The following VPS8 variants were observed in gnomAD, a reference collection of about 807,000 sequenced individuals.
The protein encoded by VPS8 is vacuolar protein sorting-associated protein 8 homolog.
In VPS8, 129 loss-of-function variants were observed where a neutral mutation model predicts 216.4. That is an observed-to-expected ratio of 0.60 (90% CI 0.52 to 0.69). The LOEUF (loss-of-function observed/expected upper bound fraction) is 0.69. VPS8 is among the 30% of genes least tolerant of loss of function. VPS8 has a pLI of 0.00. For missense variants in VPS8, 1,531 were observed against 1,683.5 expected (o/e 0.91, Z 1.59); for synonymous variants, 571 against 565.4 (o/e 1.01, Z -0.14).
intron 36 of VPS8, among the ~76,000 whole-genome samples, chr3:184,954,572 C>T (rs550339913): frequency 2.0e-5 from 3 of 152,292 alleles, no homozygotes; most frequent in Admixed American, 1.3e-4. Context: ...TATTATATCA[C>T]AATATTATAT....
At chr3:184,856,971 C>G (rs1385781038) in intron 14 of VPS8, among the ~76,000 whole-genome samples, 3 of 152,228 alleles carry the variant, frequency 2.0e-5, no homozygotes, top group African/African-American at 7.2e-5. Flanking sequence ...GTTCCTCCCA[C>G]CTCAGCCTCC....
intron 28 of VPS8, among the ~76,000 whole-genome samples, chr3:184,916,191 C>T (rs1431602067): frequency 6.6e-6 from 1 of 152,170 alleles, no homozygotes; most frequent in East Asian, 1.9e-4. Context: ...GAAAAAACAC[C>T]TTTATACGTG....
chr3:184,841,739 G>T (rs983078155), intron 7 of VPS8, among the ~76,000 whole-genome samples: 9 of 152,262 alleles, frequency 5.9e-5, no homozygotes, highest in Non-Finnish European at 1.5e-5. Context: ...TTTTGGGAAA[G>T]AAACTTACGA....
intron 36 of VPS8, among the ~76,000 whole-genome samples, chr3:184,955,115 T>C (rs1044048795): frequency 1.3e-5 from 2 of 152,118 alleles, no homozygotes; most frequent in African/African-American, 4.8e-5. Flanking sequence ...GGAGTCTCCT[T>C]TCCTTGGAGG....
At chr3:184,999,907 A>G in intron 45 of VPS8, 46 bp downstream of exon 45, 1 of 1,556,974 alleles carries the variant, frequency 6.4e-7, no homozygotes, top group South Asian at 1.3e-5. Flanking sequence ...TTTTCTTACC[A>G]ATGTCATTTG....
chr3:184,825,273 C>CT (rs1560270640), intron 2 of VPS8, among the ~76,000 whole-genome samples: 1 of 152,218 alleles, frequency 6.6e-6, no homozygotes, highest in Non-Finnish European at 1.5e-5. Flanking sequence ...TCACAACACT[C>CT]TGATAATCCA....
At chr3:184,924,486 G>T (rs1026466104) in intron 29 of VPS8, among the ~76,000 whole-genome samples, 1 of 151,654 alleles carries the variant, frequency 6.6e-6, no homozygotes, top group South Asian at 2.1e-4. Flanking sequence ...CATTGCACTC[G>T]AGCTTGGGCA....
rs185457770 is a variant in VPS8 at position 184,927,525 on chromosome 3, T to A, written c.2631+875T>A. Among the ~76,000 whole-genome samples the A allele has an allele frequency of 1.7e-3, 257 of 152,304 alleles. 2 individuals are homozygous for A. Among genetic ancestry groups the A allele is most frequent in the African/African-American group, 6.1e-3 (252 of 41,562 alleles). On this transcript the variant is annotated intron_variant, in intron 31 of 47. Transcript: ENST00000625842. ...GGGCCCCCTCATTTCAGCTGCTTAG[T>A]GTTGTAAAAATTAATTCTATGAGCT...
intron 25 of VPS8, among the ~76,000 whole-genome samples, chr3:184,905,336 T>C (rs1030069023): frequency 2.0e-5 from 3 of 152,224 alleles, no homozygotes; most frequent in Non-Finnish European, 4.4e-5. Flanking sequence ...TTTTTAAATT[T>C]CTAGACATTT....
At chr3:184,937,605 G>A (rs982000235) in intron 35 of VPS8, among the ~76,000 whole-genome samples, 1 of 152,184 alleles carries the variant, frequency 6.6e-6, no homozygotes, top group Non-Finnish European at 1.5e-5. Context: ...CAAGAGAAGA[G>A]GGTGATGGAT....
intron 36 of VPS8, among the ~76,000 whole-genome samples, chr3:184,946,200 T>C (rs1743645427): frequency 6.6e-6 from 1 of 152,248 alleles, no homozygotes; most frequent in African/African-American, 2.4e-5. Context: ...TACACCTATA[T>C]TTTAGCAGAA....
chr3:184,843,495 A>G (rs976885997), intron 8 of VPS8, among the ~76,000 whole-genome samples: 6 of 152,044 alleles, frequency 3.9e-5, no homozygotes, highest in African/African-American at 1.4e-4. Context: ...TGATCTTTTG[A>G]TGTAGTCCCA....
At chr3:184,845,755 C>CAAA (rs36003760) in intron 8 of VPS8, among the ~76,000 whole-genome samples, 10 of 80,552 alleles carry the variant, frequency 1.2e-4, no homozygotes, top group African/African-American at 2.8e-4. Context: ...AACTCCGTCT[C>CAAA]AAAAAAAAAA....
At chr3:184,923,118 A>G (rs1229754660) in intron 29 of VPS8, among the ~76,000 whole-genome samples, 1 of 152,086 alleles carries the variant, frequency 6.6e-6, no homozygotes, top group Non-Finnish European at 1.5e-5. Context: ...ATGTTGTATA[A>G]TGGGAGAAAC....
intron 34 of VPS8, among the ~76,000 whole-genome samples, chr3:184,934,697 A>G (rs1306658275): frequency 6.6e-6 from 1 of 152,046 alleles, no homozygotes; most frequent in African/African-American, 2.4e-5. Flanking sequence ...TATTAAACCA[A>G]CCTTGATTTT....
intron 45 of VPS8, among the ~76,000 whole-genome samples, chr3:185,022,535 A>T (rs1029886150): frequency 6.6e-6 from 1 of 152,166 alleles, no homozygotes; most frequent in Non-Finnish European, 1.5e-5. Context: ...TTTTTAATGA[A>T]TGTATCCTTT....
Position 184,860,078 on chromosome 3 carries a change from C to A in VPS8, c.1224+13C>A. ...CATCAACTTTACCGTGAGTATTATTCAAATTAAATATCCCCATTTAGTTCA... is the reference window on the plus strand; with the variant it reads ...CATCAACTTTACCGTGAGTATTATTAAAATTAAATATCCCCATTTAGTTCA... On this transcript the variant is annotated intron_variant, in intron 15 of 47. Transcript: ENST00000625842. 6.3e-7 allele frequency: 1 copy of A among 1,575,486 alleles called. No homozygotes were observed. Among genetic ancestry groups the A allele is most frequent in the South Asian group, 1.1e-5 (1 of 89,206 alleles).
chr3:184,873,371 C>T (rs2108792767), intron 21 of VPS8, among the ~76,000 whole-genome samples: 1 of 152,038 alleles, frequency 6.6e-6, no homozygotes, highest in South Asian at 2.1e-4. Flanking sequence ...AATAAATCAC[C>T]AAGAATGAGA....
intron 1 of VPS8, among the ~76,000 whole-genome samples, chr3:184,819,968 C>T (rs1347033052): frequency 1.3e-5 from 2 of 152,124 alleles, no homozygotes; most frequent in African/African-American, 4.8e-5. Flanking sequence ...TTATAAAGGC[C>T]TTCATCCTTG....
Sources: gnomAD v4.1 joint callset for allele counts (sites outside exome capture counted in the v4.1 genomes callset) on GRCh38, gnomAD v4.1.1 for gene constraint, MANE v1.5 for transcripts, NCBI Gene and HGNC (gene_info 2026-07-23, HGNC 2026-07-21) for gene names.